CLN6: variants seen among roughly 807,000 people sequenced by gnomAD.
The protein encoded by CLN6 is ceroid-lipofuscinosis neuronal protein 6.
Under a neutral mutation model 33.3 loss-of-function variants are expected in CLN6, and 22 were observed. That is an observed-to-expected ratio of 0.66 (90% CI 0.47 to 0.94). CLN6 has a LOEUF of 0.94. Ranked by LOEUF, CLN6 falls within the 40% of genes least tolerant of loss-of-function variation. The probability of loss-of-function intolerance (pLI) is 0.00; values close to 1 mark genes in which losing one functional copy is unlikely to be tolerated. For synonymous variants in CLN6, 201 were observed against 174.6 expected (o/e 1.15, Z -1.19); for missense variants, 387 against 417.1 (o/e 0.93, Z 0.63).
Position 68,208,001 on chromosome 15 carries a change from AATCCACG to A in CLN6, c.*132_*138del. On this transcript the variant is annotated 3_prime_UTR_variant, in exon 7 of 7. Coordinates refer to ENST00000249806, the MANE Select transcript of CLN6 (RefSeq NM_017882.3). The surrounding 1 kb of genome is among the most constrained non-coding windows in gnomAD (Gnocchi z 5.8). ...CAAGACACACACACACACACACACG[AATCCACG>A]CACACGAGGCACACCCCACTCATGC... The A allele has an allele frequency of 1.2e-6, 1 of 800,940 alleles. No individual in the cohort carries two copies. Among genetic ancestry groups the A allele is most frequent in the African/African-American group, 1.8e-5 (1 of 55,184 alleles). The allele number at this position is 800,940 out of a possible 1,614,324, so 49.6% of individuals were successfully genotyped here.
At chr15:68,253,013 T>C (rs918860128) in intron 1 of CLN6, among the ~76,000 whole-genome samples, 4 of 152,122 alleles carry the variant, frequency 2.6e-5, no homozygotes, top group Admixed American at 1.3e-4. Flanking sequence ...GAATGGCGAG[T>C]TTCTAAGTCT....
chr15:68,226,318 CA>C (rs35031604), intron 1 of CLN6, among the ~76,000 whole-genome samples: 3,007 of 63,190 alleles, frequency 0.048, 87 homozygotes, highest in African/African-American at 0.12. Context: ...GACTCCATCT[CA>C]AAAAAAAAAA....
intron 3 of CLN6, chr15:68,214,014 T>C (rs778876817): frequency 9.8e-6 from 4 of 407,110 alleles, no homozygotes; most frequent in Non-Finnish European, 1.9e-5. Flanking sequence ...TTTAGGTCCT[T>C]CTACCTGAAC....
chr15:68,209,668 G>A lies in CLN6; in HGVS notation c.634C>T (p.Leu212Phe), dbSNP rs751562146. Residue 212 changes from leucine (L) to phenylalanine (F), a missense_variant, in exon 6 of 7, where the codon CTC (leucine) becomes TTC (phenylalanine). Coordinates refer to ENST00000249806, the MANE Select transcript of CLN6 (RefSeq NM_017882.3). The surrounding 1 kb of genome is among the most constrained non-coding windows in gnomAD (Gnocchi z 4.9). ...AESLIPGPAL[L>F]LVAPSGLYYW... is the part of the protein sequence containing the mutation. Reference sequence around the variant, plus strand: ...TACAGGCCACTGGGTGCCACCAGGAGCAGGGCAGGCCCTGGAATCAAGCTC... The same window carrying A: ...TACAGGCCACTGGGTGCCACCAGGAACAGGGCAGGCCCTGGAATCAAGCTC... The A allele has an allele frequency of 3.7e-6, 6 of 1,613,496 alleles. No individual in the cohort carries two copies. In the Admixed American group the frequency reaches 6.7e-5, roughly 18 times the overall value.
Position 68,209,889 on chromosome 15 carries a change from G to A in CLN6, c.543-130C>T. Reference sequence around the variant, plus strand: ...TACAAAACGCCTAGCCTGGGTGAGAGGCGCTCCTCTCCACCCAACCTTGCC... The same window carrying A: ...TACAAAACGCCTAGCCTGGGTGAGAAGCGCTCCTCTCCACCCAACCTTGCC... On this transcript the variant is annotated intron_variant, in intron 5 of 6. Transcript: ENST00000249806. The surrounding 1 kb of genome is among the most constrained non-coding windows in gnomAD (Gnocchi z 4.9). 3 of 1,286,500 alleles carry A rather than the reference G, an allele frequency of 2.3e-6. No homozygotes were observed. Among genetic ancestry groups the A allele is most frequent in the Admixed American group, 3.6e-5 (2 of 56,206 alleles). The allele number at this position is 1,286,500 out of a possible 1,614,324, so 79.7% of individuals were successfully genotyped here.
chr15:68,253,356 G>A (rs1443268822), intron 1 of CLN6, among the ~76,000 whole-genome samples: 1 of 152,198 alleles, frequency 6.6e-6, no homozygotes, highest in African/African-American at 2.4e-5. Context: ...GCCTGGTTAT[G>A]TAACTATTTT....
chr15:68,221,222 C>A (rs868708511), intron 1 of CLN6, among the ~76,000 whole-genome samples: 2 of 129,892 alleles, frequency 1.5e-5, no homozygotes, highest in Non-Finnish European at 1.6e-5. Flanking sequence ...CTCCCTCCCC[C>A]CTCCCCCAAC....
chr15:68,240,727 T>C (rs1303907525), intron 1 of CLN6, among the ~76,000 whole-genome samples: 12 of 151,516 alleles, frequency 7.9e-5, no homozygotes, highest in Non-Finnish European at 4.4e-5. Context: ...CTCACGGCTG[T>C]AATCCCAGCA....
chr15:68,229,920 C>T (rs1474029537), upstream of CLN6, among the ~76,000 whole-genome samples: 2 of 152,170 alleles, frequency 1.3e-5, no homozygotes, highest in Non-Finnish European at 2.9e-5. Context: ...TGTTAGGGTC[C>T]CTTGCCTGCC....
At chr15:68,218,284 A>G in intron 2 of CLN6, 1 of 427,106 alleles carries the variant, frequency 2.3e-6, no homozygotes, top group South Asian at 2.0e-5. Context: ...ACAGTATTAC[A>G]GTATGACTGT....
rs1047017816 is a variant in CLN6 at position 68,256,039 on chromosome 15, T to C, written c.179+651A>G. Among the ~76,000 whole-genome samples the C allele has an allele frequency of 2.6e-4, 40 of 152,184 alleles. No individual in the cohort carries two copies. The highest frequency in any genetic ancestry group is 9.4e-4 in the African/African-American group (39 of 41,530). On this transcript the variant is annotated intron_variant, in intron 1 of 6. Transcript: ENST00000538696. This position sits in a 1 kb window ranked among gnomAD's most constrained non-coding sequence, Gnocchi z 4.1. The stretch of plus-strand genomic sequence containing the variant: ...CCTCGCCCGAAGTGATCCTCCTTCT[T>C]CGACCTCCCAAAGTGCTAGAATTAC...
At chr15:68,229,031 G>A (rs28706523) in intron 1 of CLN6, among the ~76,000 whole-genome samples, 1,683 of 152,306 alleles carry the variant, frequency 0.011, 31 homozygotes, top group African/African-American at 0.039. Context: ...CAAGCAGACA[G>A]CCTCCTGATA....
intron 2 of CLN6, chr15:68,218,195 T>C (rs2141144712): frequency 3.4e-6 from 1 of 297,386 alleles, no homozygotes; most frequent in South Asian, 3.3e-5. Flanking sequence ...CTCCACTTCC[T>C]TTCCTATACC....
At chr15:68,221,672 C>T (rs1410985227) in intron 1 of CLN6, among the ~76,000 whole-genome samples, 3 of 152,134 alleles carry the variant, frequency 2.0e-5, no homozygotes, top group African/African-American at 2.4e-5. Flanking sequence ...AAGTGAGGAG[C>T]GTCTCTGCCT....
Position 68,220,875 on chromosome 15 carries a change from G to C in CLN6, c.84-2225C>G, listed in dbSNP as rs575227850. Among the ~76,000 whole-genome samples the C allele has an allele frequency of 1.6e-3, 236 of 152,224 alleles. 1 individual carries two copies. The highest frequency in any genetic ancestry group is 5.6e-3 in the African/African-American group (231 of 41,526). ...TTTGGAGACAGGGTCACCTAGGCTG[G>C]AGTACAGTGGTGTGATCACAGCTCA... On this transcript the variant is annotated intron_variant, in intron 1 of 6. Transcript: ENST00000249806. The surrounding 1 kb of genome is among the most constrained non-coding windows in gnomAD (Gnocchi z 4.2).
intron 3 of CLN6, chr15:68,213,304 T>A (rs761200930): frequency 7.9e-5 from 12 of 152,076 alleles, no homozygotes; most frequent in Admixed American, 6.6e-5. Context: ...AATGGCGTGA[T>A]CTTGGCTCAC....
chr15:68,223,941 G>A (rs2093244884), intron 1 of CLN6, among the ~76,000 whole-genome samples: 1 of 151,962 alleles, frequency 6.6e-6, no homozygotes, highest in Non-Finnish European at 1.5e-5. Flanking sequence ...AGCTACTTGG[G>A]AGGCTGAGGC....
In CLN6 at chr15:68,247,736, G is replaced by A. The variant is rs933773851; in HGVS notation, c.179+8954C>T. Among the ~76,000 whole-genome samples the A allele has an allele frequency of 6.6e-6, 1 of 152,036 alleles. No homozygotes were observed. Among genetic ancestry groups the A allele is most frequent in the African/African-American group, 2.4e-5 (1 of 41,374 alleles). ...TAGTGAAAGCAATCCTAAGCAAAAC[G>A]AACAAACCTGGGTCAGGCATGGTGG... On this transcript the variant is annotated intron_variant, in intron 1 of 6. Transcript: ENST00000538696. The surrounding 1 kb of genome is among the most constrained non-coding windows in gnomAD (Gnocchi z 4.2).
chr15:68,229,439 G>T, intron 1 of CLN6, 63 bp downstream of exon 1: 1 of 1,278,902 alleles, frequency 7.8e-7, no homozygotes, highest in Non-Finnish European at 1.0e-6. Context: ...GCGTCACGTG[G>T]CGGGTCCCGA....
Sources: gnomAD v4.1 joint callset for allele counts (sites outside exome capture counted in the v4.1 genomes callset) on GRCh38, gnomAD v4.1.1 for gene constraint, Gnocchi (gnomAD v3.1) non-coding constraint, MANE v1.5 for transcripts, NCBI Gene and HGNC (gene_info 2026-07-23, HGNC 2026-07-21) for gene names.